Variants in SLC17A8 observed in about 807,000 individuals in gnomAD.
The protein encoded by SLC17A8 is solute carrier family 17 member 8.
Under a neutral mutation model 58.0 loss-of-function variants are expected in SLC17A8, and 31 were observed. The observed-to-expected ratio is 0.53, with a 90% CI of 0.40 to 0.72. SLC17A8 has a LOEUF of 0.72. SLC17A8 is among the 30% of genes least tolerant of loss of function. The pLI is 0.00. For missense variants in SLC17A8, 655 were observed against 727.8 expected, an observed-to-expected ratio of 0.90 and a Z score of 1.15; for synonymous variants, 228 against 249.0, an observed-to-expected ratio of 0.92 and a Z score of 0.79.
intron 9 of SLC17A8, among the ~76,000 whole-genome samples, chr12:100,409,193 GTATGTATT>G (rs764834347): frequency 7.3e-6 from 1 of 137,560 alleles, no homozygotes; most frequent in African/African-American, 3.0e-5. Context: ...ATGTATGTAT[GTATGTATT>G]TAGAGACAGA....
At chr12:100,414,140 C>G (rs1276012268) in intron 10 of SLC17A8, among the ~76,000 whole-genome samples, 1 of 152,080 alleles carries the variant, frequency 6.6e-6, no homozygotes, top group Non-Finnish European at 1.5e-5. Flanking sequence ...TTGATACTTT[C>G]TTAATATCAC....
chr12:100,361,415 G>C (rs1345186902), intron 1 of SLC17A8, among the ~76,000 whole-genome samples: 1 of 152,208 alleles, frequency 6.6e-6, no homozygotes, highest in East Asian at 1.9e-4. Flanking sequence ...CTCCCAGATA[G>C]CCTGATGGCT....
At chr12:100,364,047 CAAA>C (rs3057169) in intron 1 of SLC17A8, among the ~76,000 whole-genome samples, 12 of 52,996 alleles carry the variant, frequency 2.3e-4, no homozygotes, top group African/African-American at 4.5e-4. Flanking sequence ...GATTCCATCT[CAAA>C]AAAAAAAAAA....
At chr12:100,388,542 T>G (rs1431971194) in intron 2 of SLC17A8, among the ~76,000 whole-genome samples, 1 of 152,206 alleles carries the variant, frequency 6.6e-6, no homozygotes, top group South Asian at 2.1e-4. Flanking sequence ...AAATGAGAAA[T>G]AGAGAGTATA....
At chr12:100,361,742 G>A (rs944103370) in intron 1 of SLC17A8, among the ~76,000 whole-genome samples, 1 of 152,126 alleles carries the variant, frequency 6.6e-6, no homozygotes, top group Non-Finnish European at 1.5e-5. Context: ...CAGGCAGATT[G>A]CCTGAGCTCA....
chr12:100,401,797 G>A lies in SLC17A8; in HGVS notation c.697G>A (p.Val233Ile), dbSNP rs944422145. ...SFCGSYAGAV[V>I]AMPLAGVLVQ... Reference sequence around the variant, plus strand: ...TCCAGGTTCCTATGCAGGGGCAGTGGTTGCCATGCCCCTGGCTGGGGTGTT... The same window carrying A: ...TCCAGGTTCCTATGCAGGGGCAGTGATTGCCATGCCCCTGGCTGGGGTGTT... Residue 233 changes from valine (V) to isoleucine (I), a missense_variant, in exon 6 of 12, where the codon GTT becomes ATT. Physicochemically the swap from Val to Ile is conservative, Grantham distance 29. Coordinates refer to ENST00000323346, the MANE Select transcript of SLC17A8 (RefSeq NM_139319.3). The A allele has an allele frequency of 6.2e-7, 1 of 1,613,792 alleles. No individual in the cohort carries two copies. Among genetic ancestry groups the A allele is most frequent in the Non-Finnish European group, 8.5e-7 (1 of 1,179,740 alleles).
Position 100,402,736 on chromosome 12 carries a change from A to G in SLC17A8, c.1044A>G (p.Ala348=). Residue 348 remains alanine (A), a synonymous_variant, in exon 8 of 12, where the codon GCA becomes GCG. Coordinates refer to ENST00000323346, the MANE Select transcript of SLC17A8 (RefSeq NM_139319.3). ...PAYFEEVFGF[A]ISKVGLLSAV... ...ATTTTGAAGAGGTCTTTGGATTTGC[A>G]ATAAGTAAGGTAAACACACAGATGC... 2 of 1,613,872 alleles carry G rather than the reference A, an allele frequency of 1.2e-6. No individual in the cohort carries two copies.
chr12:100,406,538 ATT>A (rs142080424), intron 9 of SLC17A8, among the ~76,000 whole-genome samples: 11 of 142,066 alleles, frequency 7.7e-5, no homozygotes, highest in Admixed American at 7.1e-5. Context: ...ATATGATCTC[ATT>A]TTTTTTTTTT....
At chr12:100,391,834 T>G (rs1431694077) in intron 3 of SLC17A8, among the ~76,000 whole-genome samples, 3 of 152,258 alleles carry the variant, frequency 2.0e-5, no homozygotes, top group Non-Finnish European at 2.9e-5. Context: ...CAGTTCCCCT[T>G]GACCAGTGAC....
At chr12:100,398,403 G>A (rs1433685242) in intron 5 of SLC17A8, among the ~76,000 whole-genome samples, 1 of 152,166 alleles carries the variant, frequency 6.6e-6, no homozygotes, top group Admixed American at 6.5e-5. Flanking sequence ...ACTTTCTTTG[G>A]ATGGTTTATT....
At position 100,395,326 on chromosome 12, in the gene SLC17A8, A is replaced by ATT. The variant is rs11304705; in HGVS notation, c.589-987_589-986dup. On this transcript the variant is annotated intron_variant, in intron 4 of 11. Coordinates refer to ENST00000323346, the MANE Select transcript of SLC17A8 (RefSeq NM_139319.3). ...AACTAGGTAGGTTATAAACAAAAGA[A>ATT]TTTTTTTTTTTTTTTTTTGAGACAG... Among the ~76,000 whole-genome samples, 172 of 138,150 alleles carry ATT rather than the reference A, an allele frequency of 1.2e-3. 2 individuals carry two copies. The highest frequency in any genetic ancestry group is 7.2e-3 in the Middle Eastern group (2 of 276). The allele number at this position is 138,150 out of a possible 152,430, so 90.6% of individuals were successfully genotyped here.
At chr12:100,407,844 G>A (rs1170189531) in intron 9 of SLC17A8, among the ~76,000 whole-genome samples, 2 of 152,056 alleles carry the variant, frequency 1.3e-5, no homozygotes, top group African/African-American at 4.8e-5. Flanking sequence ...CTGACCTTGT[G>A]ATCCACCCAC....
rs201517582 is a variant in SLC17A8, at chr12:100,380,761, G to A, written c.162G>A (p.Pro54=). The A allele has an allele frequency of 5.5e-5, 89 of 1,614,040 alleles. No individual in the cohort carries two copies. The highest frequency in any genetic ancestry group is 3.3e-4 in the Middle Eastern group (2 of 6,062). ...TTGAGCTGAATGAAGAAGGAAGGCCGGTGCAGACGTCCAGGCCAAGCCCCC... is the reference window on the plus strand; with the variant it reads ...TTGAGCTGAATGAAGAAGGAAGGCCAGTGCAGACGTCCAGGCCAAGCCCCC... ...DNIELNEEGR[P]VQTSRPSPPL... The change falls in exon 2 of 12, where the codon CCG becomes CCA. Residue 54 remains proline, a synonymous_variant. Coordinates refer to ENST00000323346, the MANE Select transcript of SLC17A8 (RefSeq NM_139319.3).
At chr12:100,416,160 A>G (rs139113760) in intron 10 of SLC17A8, among the ~76,000 whole-genome samples, 1 of 152,284 alleles carries the variant, frequency 6.6e-6, no homozygotes, top group Non-Finnish European at 1.5e-5. Context: ...CAATATCTCA[A>G]TTTCTCAGTG....
chr12:100,395,184 A>C (rs1459487369), intron 4 of SLC17A8, among the ~76,000 whole-genome samples: 1 of 152,138 alleles, frequency 6.6e-6, no homozygotes, highest in Non-Finnish European at 1.5e-5. Flanking sequence ...CCCATCTCCT[A>C]CCATGCTTAC....
chr12:100,412,683 T>C lies in SLC17A8; in HGVS notation c.1187-87T>C, dbSNP rs554294344. ...AAATAAACTTAGGTCTGTGGAATTA[T>C]AGGTTAGTTCTTATTTGATAAATAA... On this transcript the variant is annotated intron_variant, in intron 9 of 11. Transcript: ENST00000323346. The C allele has an allele frequency of 2.3e-5, 20 of 858,794 alleles. No individual in the cohort carries two copies. The East Asian group carries it at 2.9e-4, about 13-fold the overall frequency. 53.2% of individuals were successfully genotyped at this position (858,794 alleles called of 1,614,324 possible). A position where few individuals can be genotyped will look rare whatever the true frequency, so the allele number is the denominator to read the frequency against.
intron 1 of SLC17A8, among the ~76,000 whole-genome samples, chr12:100,379,742 T>C (rs1952620150): frequency 6.6e-6 from 1 of 151,554 alleles, no homozygotes; most frequent in Non-Finnish European, 1.5e-5. Context: ...CTGTAATGAA[T>C]GTGCCATAAT....
At position 100,403,251 on chromosome 12, in the gene SLC17A8, C is replaced by T. The variant is rs181761119; in HGVS notation, c.1053+506C>T. ...CAGCATTTTGGGAAGCCAAGGCTGG[C>T]GGATCACCTGAGGTTAGGACCAGCC... On this transcript the variant is annotated intron_variant, in intron 8 of 11. Coordinates refer to ENST00000323346, the MANE Select transcript of SLC17A8 (RefSeq NM_139319.3). Among the ~76,000 whole-genome samples the T allele has an allele frequency of 3.9e-4, 60 of 151,912 alleles. No homozygotes were observed. The East Asian group carries it at 0.011, about 27-fold the overall frequency.
chr12:100,396,494 T>C, intron 5 of SLC17A8, 77 bp downstream of exon 5: 1 of 1,175,322 alleles, frequency 8.5e-7, no homozygotes, highest in Non-Finnish European at 1.3e-6. Flanking sequence ...ACGCCTGTAA[T>C]CTCAGCACTT....
Sources: allele counts gnomAD v4.1 joint callset (sites outside exome capture counted in the v4.1 genomes callset), GRCh38; gene constraint gnomAD v4.1.1; transcripts MANE v1.5; gene names NCBI Gene and HGNC (gene_info 2026-07-23, HGNC 2026-07-21).